ARHGEF4: variants seen among roughly 807,000 people sequenced by gnomAD.
ARHGEF4 encodes the protein APC-stimulated guanine nucleotide exchange factor 1.
ARHGEF4 carries 119 observed loss-of-function variants against 162.0 expected under a neutral mutation model. That is an observed-to-expected ratio of 0.73 (90% CI 0.63 to 0.86). ARHGEF4 has a LOEUF of 0.86. ARHGEF4 is among the 40% of genes least tolerant of loss of function. The pLI, the probability that ARHGEF4 is intolerant of heterozygous loss-of-function variation, is 0.00. For missense variants in ARHGEF4, 2,488 were observed against 2,456.0 expected, an observed-to-expected ratio of 1.01 and a Z score of -0.28; for synonymous variants, 1,014 against 979.9, an observed-to-expected ratio of 1.03 and a Z score of -0.65.
chr2:130,919,729 AG>A (rs1681752676), intron 2 of ARHGEF4, among the ~76,000 whole-genome samples: 1 of 152,084 alleles, frequency 6.6e-6, no homozygotes, highest in African/African-American at 2.4e-5. Context: ...TATAAAAATT[AG>A]CTGGGCCTGG....
chr2:131,028,040 T>G lies in ARHGEF4; in HGVS notation c.4081T>G (p.Tyr1361Asp). Residue 1361 changes from tyrosine to aspartate, a missense_variant, in exon 5 of 14, where the codon TAC becomes GAC. Transcript: ENST00000409359. ...YDDLHSSSHH[Y>D]SHPGGGGEQL... is the part of the protein sequence containing the mutation. ...TGACCTGCACAGCTCCAGCCACCACTACAGCCACCCTGGAGGGGGTGGGGA... is the reference window on the plus strand; with the variant it reads ...TGACCTGCACAGCTCCAGCCACCACGACAGCCACCCTGGAGGGGGTGGGGA... The G allele has an allele frequency of 6.2e-7, 1 of 1,614,038 alleles. No homozygotes were observed. Among genetic ancestry groups the G allele is most frequent in the Non-Finnish European group, 8.5e-7 (1 of 1,179,998 alleles).
intron 4 of ARHGEF4, among the ~76,000 whole-genome samples, chr2:131,021,515 A>G (rs1471339484): frequency 3.9e-5 from 6 of 152,198 alleles, no homozygotes; most frequent in African/African-American, 1.4e-4. Flanking sequence ...TAGACTTAAA[A>G]CCATAAAAAC....
intron 1 of ARHGEF4, among the ~76,000 whole-genome samples, chr2:130,903,225 T>G: frequency 6.6e-6 from 1 of 151,086 alleles, no homozygotes; most frequent in East Asian, 2.0e-4. Context: ...TGTTTTGTTT[T>G]GTTTTTTCCT....
At chr2:131,017,324 C>T (rs1454119592) in intron 4 of ARHGEF4, among the ~76,000 whole-genome samples, 1 of 152,140 alleles carries the variant, frequency 6.6e-6, no homozygotes, top group African/African-American at 2.4e-5. Context: ...GAGTCCTTCC[C>T]CCACCTTCAC....
chr2:131,043,390 G>T, intron 10 of ARHGEF4, 62 bp from the exon 11 acceptor site: 1 of 1,603,574 alleles, frequency 6.2e-7, no homozygotes. Context: ...CATGATGGGG[G>T]CAGGAAGTGG....
intron 1 of ARHGEF4, among the ~76,000 whole-genome samples, chr2:130,856,798 T>C (rs1681820406): frequency 2.0e-5 from 3 of 150,390 alleles, no homozygotes; most frequent in Admixed American, 2.0e-4. Flanking sequence ...AAACTTAAAG[T>C]ATATTAAAAA....
At chr2:130,893,599 G>C (rs570026382) in intron 1 of ARHGEF4, among the ~76,000 whole-genome samples, 63 of 152,324 alleles carry the variant, frequency 4.1e-4, no homozygotes, top group African/African-American at 1.4e-3. Flanking sequence ...GGTCTGAGCT[G>C]CTCCGTGTGC....
At chr2:130,989,717 T>G (rs1484916628) in intron 4 of ARHGEF4, among the ~76,000 whole-genome samples, 2 of 152,198 alleles carry the variant, frequency 1.3e-5, no homozygotes, top group African/African-American at 2.4e-5. Context: ...TTTCTGCTGG[T>G]ATGATTTGTG....
intron 1 of ARHGEF4, among the ~76,000 whole-genome samples, chr2:130,867,797 C>T (rs941702431): frequency 2.6e-5 from 4 of 152,172 alleles, no homozygotes; most frequent in African/African-American, 9.7e-5. Context: ...GCATCCTTCA[C>T]GTTCCAGCCT....
intron 2 of ARHGEF4, among the ~76,000 whole-genome samples, chr2:130,930,036 G>GA (rs1682534740): frequency 2.1e-5 from 1 of 47,312 alleles, no homozygotes; most frequent in Non-Finnish European, 7.0e-5. Context: ...TGGGACTACA[G>GA]GGCCCACCAC....
intron 1 of ARHGEF4, among the ~76,000 whole-genome samples, chr2:130,893,101 G>T (rs975080785): frequency 4.6e-5 from 7 of 152,164 alleles, no homozygotes; most frequent in Admixed American, 2.6e-4. Flanking sequence ...CACCTTTCCT[G>T]GTCATTCCCA....
chr2:130,941,486 G>A (rs1683293243), intron 3 of ARHGEF4, among the ~76,000 whole-genome samples: 1 of 152,072 alleles, frequency 6.6e-6, no homozygotes. Flanking sequence ...TTACAGGTGT[G>A]AGCCACCATA....
At chr2:130,926,627 A>G (rs903925903) in intron 2 of ARHGEF4, among the ~76,000 whole-genome samples, 1 of 152,010 alleles carries the variant, frequency 6.6e-6, no homozygotes, top group Non-Finnish European at 1.5e-5. Context: ...CTCTATTGAC[A>G]CCTTATGCAA....
chr2:130,994,310 T>G (rs571994559), intron 4 of ARHGEF4, among the ~76,000 whole-genome samples: 7 of 152,380 alleles, frequency 4.6e-5, no homozygotes, highest in African/African-American at 1.4e-4. Context: ...TTTTCCTGGC[T>G]TGGCCATTTT....
At chr2:130,907,620 G>T (rs1227045986) in intron 1 of ARHGEF4, among the ~76,000 whole-genome samples, 1 of 152,078 alleles carries the variant, frequency 6.6e-6, no homozygotes, top group Non-Finnish European at 1.5e-5. Context: ...GTTGTTTTCT[G>T]ATTGTGGAGA....
At chr2:130,955,813 G>C (rs575139979) in intron 4 of ARHGEF4, among the ~76,000 whole-genome samples, 267 of 152,228 alleles carry the variant, frequency 1.8e-3, no homozygotes, top group Non-Finnish European at 8.4e-4. Flanking sequence ...CAAACTAGTG[G>C]GGTTACAGTC....
At chr2:130,904,386 C>G (rs1680688757) in intron 1 of ARHGEF4, among the ~76,000 whole-genome samples, 1 of 152,064 alleles carries the variant, frequency 6.6e-6, no homozygotes, top group South Asian at 2.1e-4. Context: ...ACTTAGTGGG[C>G]CTCTTCTGAC....
intron 3 of ARHGEF4, among the ~76,000 whole-genome samples, chr2:130,945,748 A>G (rs1173338697): frequency 6.6e-6 from 1 of 152,126 alleles, no homozygotes; most frequent in Non-Finnish European, 1.5e-5. Context: ...CGGCTGATCT[A>G]TACACTCTCC....
At chr2:130,936,905 C>CTTTTTTT (rs36086542) in intron 3 of ARHGEF4, among the ~76,000 whole-genome samples, 18 of 82,338 alleles carry the variant, frequency 2.2e-4, no homozygotes, top group African/African-American at 8.2e-4. Flanking sequence ...TTTCTTTTTT[C>CTTTTTTT]TTTTTTTTTT....
Sources: allele counts gnomAD v4.1 joint callset (sites outside exome capture counted in the v4.1 genomes callset), GRCh38; gene constraint gnomAD v4.1.1; transcripts MANE v1.5; gene names NCBI Gene and HGNC (gene_info 2026-07-23, HGNC 2026-07-21).